ZFR2: variants seen among roughly 807,000 people sequenced by gnomAD.
ZFR2 encodes zinc finger RNA-binding protein 2.
Under a neutral mutation model 105.7 loss-of-function variants are expected in ZFR2, and 104 were observed. The ratio of observed to expected loss-of-function variants is 0.98; its 90% CI spans 0.84 to 1.16. The LOEUF (loss-of-function observed/expected upper bound fraction) is 1.16. Among genes scored for constraint, ZFR2 ranks in the 50% most tolerant of loss-of-function variants. ZFR2 has a pLI of 0.00. For missense variants in ZFR2, 1,425 were observed against 1,355.5 expected (o/e 1.05, Z -0.80); for synonymous variants, 634 against 597.7 (o/e 1.06, Z -0.89).
intron 1 of ZFR2, among the ~76,000 whole-genome samples, chr19:3,867,945 AC>A (rs1295433656): frequency 1.5e-5 from 2 of 136,028 alleles, no homozygotes; most frequent in African/African-American, 5.6e-5. Flanking sequence ...CTTCTCTCCT[AC>A]CCCCACCATC....
intron 10 of ZFR2, 132 bp downstream of exon 10, chr19:3,821,208 G>T (rs2037888046): frequency 7.8e-7 from 1 of 1,284,172 alleles, no homozygotes; most frequent in Non-Finnish European, 1.0e-6. Context: ...CACTGCCCGG[G>T]CACCCGTCTC....
chr19:3,836,602 C>T (rs1355375570), intron 1 of ZFR2, among the ~76,000 whole-genome samples: 2 of 152,152 alleles, frequency 1.3e-5, no homozygotes, highest in Non-Finnish European at 2.9e-5. Flanking sequence ...CTTTAGTTAG[C>T]ACTAAACTAA....
chr19:3,814,024 G>C, intron 13 of ZFR2, 66 bp from the exon 14 acceptor site: 2 of 1,591,358 alleles, frequency 1.3e-6, no homozygotes, highest in South Asian at 2.3e-5. Flanking sequence ...AAATCAGCCA[G>C]GATGTGGTTG....
chr19:3,806,286 A>G (rs1295714852), intron 18 of ZFR2, among the ~76,000 whole-genome samples, 161 bp from the exon 19 acceptor site: 2 of 152,044 alleles, frequency 1.3e-5, no homozygotes, highest in Admixed American at 1.3e-4. Context: ...TTTTTGAGAC[A>G]CAGTCTCGCT....
intron 1 of ZFR2, among the ~76,000 whole-genome samples, chr19:3,868,506 C>A (rs1269194953): frequency 1.3e-5 from 2 of 151,824 alleles, no homozygotes; most frequent in African/African-American, 4.8e-5. Context: ...CCCACCCACT[C>A]CCCGGCCAGG....
Position 3,813,983 on chromosome 19 carries a change from G to C in ZFR2, c.2104-25C>G. The C allele has an allele frequency of 6.2e-7, 1 of 1,612,868 alleles. No homozygotes were observed. The highest frequency in any genetic ancestry group is 8.5e-7 in the Non-Finnish European group (1 of 1,179,478). ...TCTGGGAGGGGTAAATACAACACAAGGCCACCTTACTGCAGCCCAGATTCA... is the reference window on the plus strand; with the variant it reads ...TCTGGGAGGGGTAAATACAACACAACGCCACCTTACTGCAGCCCAGATTCA... On this transcript the variant is annotated intron_variant, in intron 13 of 18. Transcript: ENST00000262961. This position sits in a 1 kb window ranked among gnomAD's most constrained non-coding sequence, Gnocchi z 4.4.
At position 3,805,992 on chromosome 19, in the gene ZFR2, C is replaced by T; in HGVS notation, c.2777G>A (p.Gly926Glu). 1 of 1,544,996 alleles carries T rather than the reference C, an allele frequency of 6.5e-7. No homozygotes were observed. The highest frequency in any genetic ancestry group is 8.7e-7 in the Non-Finnish European group (1 of 1,147,400). ...GCCCCGCCGGCCCCGCTTCTTCTCC[C>T]CTGCGCCCTCCTCTCCCTCGCCAGG... ...RGPGEGEEGA[G>E]EKKRGRRGGE... Residue 926 changes from glycine to glutamate, a missense_variant, in exon 19 of 19, where the codon GGG becomes GAG. Coordinates refer to ENST00000262961, the MANE Select transcript of ZFR2 (RefSeq NM_015174.2).
At chr19:3,816,901 AGCT>A in intron 12 of ZFR2, 56 bp from the exon 13 acceptor site, 2 of 1,478,890 alleles carry the variant, frequency 1.4e-6, no homozygotes, top group Non-Finnish European at 1.8e-6. Flanking sequence ...GGGGTACCCC[AGCT>A]GCCTCCCTCC....
At chr19:3,840,215 G>A (rs560964034) in intron 1 of ZFR2, among the ~76,000 whole-genome samples, 14 of 151,700 alleles carry the variant, frequency 9.2e-5, no homozygotes, top group Non-Finnish European at 2.1e-4. Flanking sequence ...AGCCACACGT[G>A]GCTGAGCTCT....
chr19:3,858,610 G>A lies in ZFR2; in HGVS notation c.53+10355C>T, dbSNP rs1290013602. On this transcript the variant is annotated intron_variant, in intron 1 of 18. Transcript: ENST00000262961. This position sits in a 1 kb window ranked among gnomAD's most constrained non-coding sequence, Gnocchi z 4.3. Reference sequence around the variant, plus strand: ...AGGCAGGCGGATCACCTGAGGTCAGGAGTTCAAGACCAGCCTGGACAACAT... The same window carrying A: ...AGGCAGGCGGATCACCTGAGGTCAGAAGTTCAAGACCAGCCTGGACAACAT... Among the ~76,000 whole-genome samples, 2 of 152,198 alleles carry A rather than the reference G, an allele frequency of 1.3e-5. No homozygotes were observed. The highest frequency in any genetic ancestry group is 1.5e-5 in the Non-Finnish European group (1 of 68,036).
intron 1 of ZFR2, among the ~76,000 whole-genome samples, chr19:3,841,490 G>C (rs2038132277): frequency 6.6e-6 from 1 of 152,014 alleles, no homozygotes; most frequent in African/African-American, 2.4e-5. Context: ...TTCGAGACCA[G>C]CCTGGGCAAC....
intron 5 of ZFR2, among the ~76,000 whole-genome samples, chr19:3,829,199 C>CTT (rs2037984303): frequency 6.6e-6 from 1 of 152,000 alleles, no homozygotes; most frequent in African/African-American, 2.4e-5. Flanking sequence ...TGACCTCAGG[C>CTT]GATCCTCCCA....
chr19:3,837,021 C>T (rs1053319776), intron 1 of ZFR2, among the ~76,000 whole-genome samples: 10 of 152,224 alleles, frequency 6.6e-5, no homozygotes, highest in African/African-American at 2.4e-4. Flanking sequence ...TCTACACCAC[C>T]TGGCCCCCAA....
At chr19:3,809,015 T>G (rs1193252768) in intron 16 of ZFR2, 32 bp from the exon 17 acceptor site, 1 of 1,501,766 alleles carries the variant, frequency 6.7e-7, no homozygotes, top group Non-Finnish European at 8.9e-7. Flanking sequence ...TTGCTGTGTT[T>G]TGGGCGCGCG....
chr19:3,855,519 C>A, intron 1 of ZFR2: 2 of 1,142,656 alleles, frequency 1.8e-6, no homozygotes, highest in Non-Finnish European at 2.2e-6. Flanking sequence ...GTCACAGCAG[C>A]GGGGAATAAC....
intron 6 of ZFR2, among the ~76,000 whole-genome samples, chr19:3,825,707 G>A (rs995031274): frequency 2.0e-5 from 3 of 152,140 alleles, no homozygotes; most frequent in African/African-American, 7.2e-5. Context: ...TCCACCACGT[G>A]GGCTGCCAGG....
chr19:3,841,137 A>G (rs1293378097), intron 1 of ZFR2, among the ~76,000 whole-genome samples: 2 of 152,212 alleles, frequency 1.3e-5, no homozygotes, highest in Non-Finnish European at 2.9e-5. Context: ...AATGCTTGCA[A>G]AGTTTGAGGA....
In ZFR2 at chr19:3,825,369, G is replaced by C; in HGVS notation, c.1074C>G (p.Pro358=). 1 of 1,589,892 alleles carries C rather than the reference G, an allele frequency of 6.3e-7. No homozygotes were observed. Among genetic ancestry groups the C allele is most frequent in the Non-Finnish European group, 8.5e-7 (1 of 1,170,524 alleles). The change falls in exon 7 of 19, where the codon CCC becomes CCG. Residue 358 remains proline, a synonymous_variant. Transcript: ENST00000262961. ...KLHAKLGKPI[P]TLEPALATES... is the part of the protein sequence containing the mutation. ...CTGTGGCCAGTGCAGGCTCGAGGGT[G>C]GGAATGGGCTTCCCCAGTTTGGCGT...
At chr19:3,827,348 G>A (rs1337496146) in intron 6 of ZFR2, 123 bp downstream of exon 6, 23 of 1,226,610 alleles carry the variant, frequency 1.9e-5, no homozygotes, top group East Asian at 3.0e-5. Flanking sequence ...CTTGGGGCGC[G>A]CTCCACTTGG....
Sources: allele counts gnomAD v4.1 joint callset (sites outside exome capture counted in the v4.1 genomes callset), GRCh38; gene constraint gnomAD v4.1.1; non-coding constraint Gnocchi (gnomAD v3.1); transcripts MANE v1.5; gene names NCBI Gene and HGNC (gene_info 2026-07-23, HGNC 2026-07-21).